The following PPIL4 variants were observed in gnomAD, a reference collection of about 807,000 sequenced individuals.
PPIL4 encodes peptidyl-prolyl cis-trans isomerase-like 4.
Under a neutral mutation model 69.1 loss-of-function variants are expected in PPIL4, and 50 were observed. That is an observed-to-expected ratio of 0.72 (90% confidence interval 0.58 to 0.92). The LOEUF (loss-of-function observed/expected upper bound fraction) is 0.92. PPIL4 is among the 40% of genes least tolerant of loss of function. The probability of loss-of-function intolerance (pLI) is 0.00; values close to 1 mark genes in which losing one functional copy is unlikely to be tolerated. For synonymous variants in PPIL4, 193 were observed against 191.6 expected (o/e 1.01, Z -0.06); for missense variants, 480 against 587.9 (o/e 0.82, Z 1.90).
intron 5 of PPIL4, among the ~76,000 whole-genome samples, chr6:149,535,122 T>C (rs1777255161): frequency 6.6e-6 from 1 of 152,156 alleles, no homozygotes; most frequent in Non-Finnish European, 1.5e-5. Context: ...TTCAGGAGGC[T>C]GAGGTGGGTG....
chr6:149,545,085 C>T (rs1447067450), intron 1 of PPIL4, among the ~76,000 whole-genome samples: 1 of 152,142 alleles, frequency 6.6e-6, no homozygotes, highest in Non-Finnish European at 1.5e-5. Context: ...CACGACTGAC[C>T]TAGGCGTATC....
intron 6 of PPIL4, 128 bp downstream of exon 6, chr6:149,534,550 C>T: frequency 1.9e-6 from 1 of 532,652 alleles, no homozygotes; most frequent in Non-Finnish European, 3.2e-6. Flanking sequence ...AAAAAGAACT[C>T]CAAACTTGTT....
At chr6:149,526,304 C>T (rs915400872) in intron 8 of PPIL4, among the ~76,000 whole-genome samples, 1 of 151,950 alleles carries the variant, frequency 6.6e-6, no homozygotes, top group African/African-American at 2.4e-5. Context: ...ACATAAATTG[C>T]TGGTAATTCC....
intron 7 of PPIL4, among the ~76,000 whole-genome samples, 179 bp downstream of exon 7, chr6:149,533,279 G>C (rs1777226002): frequency 1.3e-5 from 2 of 152,158 alleles, no homozygotes; most frequent in African/African-American, 4.8e-5. Flanking sequence ...ATTGACAGTA[G>C]AGTCAAATTT....
chr6:149,509,336 A>C (rs1776808796), intron 12 of PPIL4, among the ~76,000 whole-genome samples: 1 of 152,152 alleles, frequency 6.6e-6, no homozygotes, highest in Non-Finnish European at 1.5e-5. Flanking sequence ...GACTCACACA[A>C]AAAAAACACA....
chr6:149,540,921 T>C (rs375956770), intron 4 of PPIL4, 21 bp downstream of exon 4: 5 of 1,410,852 alleles, frequency 3.5e-6, no homozygotes, highest in Non-Finnish European at 4.0e-6. Context: ...GCAAATCTCA[T>C]ATTCTTACTC....
intron 5 of PPIL4, among the ~76,000 whole-genome samples, chr6:149,535,392 T>TTATAAATAATTAGTTTGTAC (rs780421486): frequency 3.9e-4 from 59 of 152,196 alleles, no homozygotes; most frequent in Non-Finnish European, 7.8e-4. Flanking sequence ...CCAAACATAA[T>TTATAAATAATTAGTTTGTAC]TATAAATAAT....
intron 7 of PPIL4, among the ~76,000 whole-genome samples, chr6:149,532,806 A>T (rs148291700): frequency 2.8e-4 from 43 of 152,306 alleles, no homozygotes; most frequent in Non-Finnish European, 5.3e-4. Context: ...ACAGAGTGAG[A>T]CCCTGTCTCT....
intron 11 of PPIL4, among the ~76,000 whole-genome samples, chr6:149,514,846 T>TA (rs1426832544): frequency 1.3e-5 from 2 of 152,026 alleles, no homozygotes; most frequent in Admixed American, 6.6e-5. Context: ...TTTTTTAATT[T>TA]TTTTTTTGAG....
chr6:149,515,916 T>C (rs1776936647), intron 11 of PPIL4, among the ~76,000 whole-genome samples: 2 of 152,192 alleles, frequency 1.3e-5, no homozygotes, highest in South Asian at 4.1e-4. Context: ...ATACTTTCAC[T>C]AATTTCTCTT....
intron 9 of PPIL4, among the ~76,000 whole-genome samples, chr6:149,522,365 A>G (rs1222508034): frequency 6.6e-6 from 1 of 152,358 alleles, no homozygotes; most frequent in Admixed American, 6.5e-5. Context: ...ACAATCTTCA[A>G]AAACAACAAA....
At chr6:149,513,204 G>A (rs1253433819) in intron 11 of PPIL4, among the ~76,000 whole-genome samples, 1 of 146,956 alleles carries the variant, frequency 6.8e-6, no homozygotes, top group Non-Finnish European at 1.5e-5. Flanking sequence ...TGGCCAATAT[G>A]GTGAAACCCC....
intron 11 of PPIL4, among the ~76,000 whole-genome samples, chr6:149,514,738 A>AT (rs2115028934): frequency 6.8e-6 from 1 of 146,822 alleles, no homozygotes; most frequent in Admixed American, 6.9e-5. Flanking sequence ...GCCTAAAAAA[A>AT]TTTTATTTTA....
chr6:149,513,807 G>C (rs1428955876), intron 11 of PPIL4, among the ~76,000 whole-genome samples: 1 of 149,388 alleles, frequency 6.7e-6, no homozygotes, highest in East Asian at 1.9e-4. Flanking sequence ...TTAATTCAGA[G>C]ATAAGTATTT....
intron 7 of PPIL4, among the ~76,000 whole-genome samples, chr6:149,527,262 G>A (rs1777121915): frequency 6.6e-6 from 1 of 152,216 alleles, no homozygotes; most frequent in Non-Finnish European, 1.5e-5. Context: ...GGACACTGAG[G>A]CAGTAGAATC....
chr6:149,520,913 T>G (rs1777020227), intron 10 of PPIL4, 147 bp downstream of exon 10: 2 of 545,442 alleles, frequency 3.7e-6, no homozygotes, highest in Non-Finnish European at 6.5e-6. Flanking sequence ...CTTGGGAGGC[T>G]GAGGCATGAG....
In PPIL4 at chr6:149,504,497, C is replaced by T. The variant is rs900392792; in HGVS notation, c.*956G>A. Among the ~76,000 whole-genome samples, 5 of 152,088 alleles carry T rather than the reference C, an allele frequency of 3.3e-5. No individual in the cohort carries two copies. The highest frequency in any genetic ancestry group is 7.4e-5 in the Non-Finnish European group (5 of 68,026). On this transcript the variant is annotated 3_prime_UTR_variant, in exon 13 of 13. Coordinates refer to ENST00000253329, the MANE Select transcript of PPIL4 (RefSeq NM_139126.4). ...CGTGAAAAAAAAACTACAGCAAGCA[C>T]ATCATAATCAAACTTCTTACAACCA...
Position 149,521,727 on chromosome 6 carries a change from G to A in PPIL4, c.871-556C>T, listed in dbSNP as rs369292321. Reference sequence around the variant, plus strand: ...ACATAATCACAGATGTAATGTGTATGTGTGTATGCATATATACAGTATTAC... The same window carrying A: ...ACATAATCACAGATGTAATGTGTATATGTGTATGCATATATACAGTATTAC... On this transcript the variant is annotated intron_variant, in intron 9 of 12. Coordinates refer to ENST00000253329, the MANE Select transcript of PPIL4 (RefSeq NM_139126.4). 5.3e-5 allele frequency among the ~76,000 whole-genome samples: 8 copies of A among 152,284 alleles called. No individual in the cohort carries two copies. The East Asian group carries it at 1.5e-3, about 29-fold the overall frequency.
intron 11 of PPIL4, among the ~76,000 whole-genome samples, chr6:149,514,493 C>T (rs571653496): frequency 6.6e-5 from 10 of 152,084 alleles, no homozygotes; most frequent in Middle Eastern, 3.4e-3. Flanking sequence ...AGCTAATTTT[C>T]GTATTTTTAG....
Sources: gnomAD v4.1 joint callset for allele counts (sites outside exome capture counted in the v4.1 genomes callset) on GRCh38, gnomAD v4.1.1 for gene constraint, MANE v1.5 for transcripts, NCBI Gene and HGNC (gene_info 2026-07-23, HGNC 2026-07-21) for gene names.